Variants in ZNF570 observed in about 807,000 individuals in gnomAD.
ZNF570 encodes the protein zinc finger protein 570.
Under a neutral mutation model 14.2 loss-of-function variants are expected in ZNF570, and 8 were observed. The ratio of observed to expected loss-of-function variants is 0.56; its 90% CI spans 0.33 to 1.02. ZNF570 has a LOEUF of 1.02. Ranked by LOEUF, ZNF570 falls within the 50% of genes least tolerant of loss-of-function variation. The pLI is 0.03. For missense variants in ZNF570, 559 were observed against 624.9 expected, an observed-to-expected ratio of 0.89 and a Z score of 1.12; for synonymous variants, 202 against 207.6, an observed-to-expected ratio of 0.97 and a Z score of 0.23.
chr19:37,473,205 G>A (rs990520827), intron 2 of ZNF570, among the ~76,000 whole-genome samples: 1 of 152,218 alleles, frequency 6.6e-6, no homozygotes, highest in Non-Finnish European at 1.5e-5. Context: ...AATGTATCAT[G>A]CAGCATTTCC....
At position 37,484,920 on chromosome 19, in the gene ZNF570, A is replaced by C. The variant is rs755702229; in HGVS notation, c.1298A>C (p.Gln433Pro). 6.8e-6 allele frequency: 11 copies of C among 1,614,050 alleles called. No individual in the cohort carries two copies. The highest frequency in any genetic ancestry group is 9.3e-6 in the Non-Finnish European group (11 of 1,180,038). Residue 433 changes from glutamine to proline, a missense_variant, in exon 5 of 5, where the codon CAA (glutamine) becomes CCA (proline). Coordinates refer to ENST00000330173, the MANE Select transcript of ZNF570 (RefSeq NM_144694.5). ...FSQIAYLAQH[Q>P]RVHTGEKPYE... Reference sequence around the variant, plus strand: ...CAGATTGCCTACCTTGCTCAGCATCAAAGAGTTCATACTGGAGAGAAACCC... The same window carrying C: ...CAGATTGCCTACCTTGCTCAGCATCCAAGAGTTCATACTGGAGAGAAACCC...
intron 4 of ZNF570, among the ~76,000 whole-genome samples, chr19:37,479,819 T>C (rs1220840906): frequency 1.3e-5 from 2 of 152,214 alleles, no homozygotes; most frequent in Non-Finnish European, 2.9e-5. Flanking sequence ...CTTTTGTTAA[T>C]ATTTACTTGA....
intron 2 of ZNF570, among the ~76,000 whole-genome samples, chr19:37,473,554 T>A (rs1404591205): frequency 6.6e-6 from 1 of 152,092 alleles, no homozygotes; most frequent in Non-Finnish European, 1.5e-5. Context: ...TGGGGTATCA[T>A]AGGGCAACAG....
chr19:37,487,487 A>G lies in ZNF570; in HGVS notation c.*2254A>G, dbSNP rs1359336354. On this transcript the variant is annotated 3_prime_UTR_variant, in exon 5 of 5. Coordinates refer to ENST00000330173, the MANE Select transcript of ZNF570 (RefSeq NM_144694.5). ...TGACAGTGAGCAATACAAAGGCCAC[A>G]TTCTCATGGAGTAAAATTCCAGAGG... 6.6e-6 allele frequency: 1 copy of G among 152,210 alleles called. No individual in the cohort carries two copies. The highest frequency in any genetic ancestry group is 1.5e-5 in the Non-Finnish European group (1 of 68,040). The allele number at this position is 152,210 out of a possible 1,614,324, so 9.4% of individuals were successfully genotyped here.
rs2042157619 is a variant in ZNF570, at chr19:37,486,580, TC to T, written c.*1348del. ...CTACATATATTAACTCATCTACTCC[TC>T]ACAAAACAAGATTCCTTATTGGACA... On this transcript the variant is annotated 3_prime_UTR_variant, in exon 5 of 5. Transcript: ENST00000330173. The T allele has an allele frequency of 6.6e-6, 1 of 152,190 alleles. No individual in the cohort carries two copies. The highest frequency in any genetic ancestry group is 2.4e-5 in the African/African-American group (1 of 41,446). 9.4% of individuals were successfully genotyped at this position (152,190 alleles called of 1,614,324 possible). A position where few individuals can be genotyped will look rare whatever the true frequency, so the allele number is the denominator to read the frequency against.
intron 4 of ZNF570, 38 bp from the exon 5 acceptor site, chr19:37,483,841 C>A: frequency 6.5e-7 from 1 of 1,541,594 alleles, no homozygotes; most frequent in South Asian, 1.3e-5. Flanking sequence ...TTCTGATACT[C>A]AATAGAGGAG....
Position 37,484,609 on chromosome 19 carries a change from C to G in ZNF570, c.987C>G (p.Pro329=). 6.2e-7 allele frequency: 1 copy of G among 1,613,812 alleles called. No homozygotes were observed. Among genetic ancestry groups the G allele is most frequent in the Non-Finnish European group, 8.5e-7 (1 of 1,179,894 alleles). ...QHQRVHTGEK[P]YECIECGKAF... is the part of the protein sequence containing the mutation. ...AGAGAGTTCACACGGGAGAGAAACC[C>G]TATGAATGTATCGAATGTGGGAAAG... Residue 329 remains proline (P), a synonymous_variant, in exon 5 of 5, where the codon CCC becomes CCG. Transcript: ENST00000330173.
At chr19:37,480,960 C>A (rs981770963) in intron 4 of ZNF570, among the ~76,000 whole-genome samples, 25 of 151,118 alleles carry the variant, frequency 1.7e-4, no homozygotes, top group African/African-American at 2.7e-4. Flanking sequence ...AAAAAAAAAA[C>A]AAAACAAAAA....
Position 37,485,451 on chromosome 19 carries a change from A to G in ZNF570, c.*218A>G. On this transcript the variant is annotated 3_prime_UTR_variant, in exon 5 of 5. Transcript: ENST00000330173. ...GAGACAATGTCTTGCTGTGTTGCCCAGGCTGGAGTACAGTGGGACGATCTC... is the reference window on the plus strand; with the variant it reads ...GAGACAATGTCTTGCTGTGTTGCCCGGGCTGGAGTACAGTGGGACGATCTC... The G allele has an allele frequency of 2.2e-6, 1 of 462,094 alleles. No individual in the cohort carries two copies. Among genetic ancestry groups the G allele is most frequent in the Non-Finnish European group, 3.7e-6 (1 of 271,358 alleles). The allele number at this position is 462,094 out of a possible 1,614,324, so 28.6% of individuals were successfully genotyped here.
chr19:37,468,946 G>T, upstream of ZNF570: 1 of 691,944 alleles, frequency 1.4e-6, no homozygotes, highest in Non-Finnish European at 1.8e-6. Context: ...CCCATTTTGA[G>T]TAGACGCGCC....
At chr19:37,474,457 C>A (rs745523716) in intron 2 of ZNF570, among the ~76,000 whole-genome samples, 1 of 151,986 alleles carries the variant, frequency 6.6e-6, no homozygotes, top group Non-Finnish European at 1.5e-5. Flanking sequence ...GAGATAGTTT[C>A]TTTTGTTTTG....
At chr19:37,469,229 T>C (rs2041909164), upstream of ZNF570, 2 of 1,357,028 alleles carry the variant, frequency 1.5e-6, no homozygotes, top group African/African-American at 1.5e-5. Flanking sequence ...TGCGCGGAGC[T>C]GCACCGCTGC....
At chr19:37,478,523 T>A (rs879907386) in intron 4 of ZNF570, among the ~76,000 whole-genome samples, 3,241 of 150,436 alleles carry the variant, frequency 0.022, 86 homozygotes, top group Non-Finnish European at 0.032. Flanking sequence ...CATTTTCAAT[T>A]CTTATACCTT....
chr19:37,479,794 T>C (rs1213396335), intron 4 of ZNF570, among the ~76,000 whole-genome samples: 1 of 152,198 alleles, frequency 6.6e-6, no homozygotes, highest in Non-Finnish European at 1.5e-5. Flanking sequence ...TTAATATTGT[T>C]ATAGCTATAT....
In ZNF570 at chr19:37,470,365, G is replaced by C; in HGVS notation, c.11G>C (p.Gly4Ala). 1.2e-6 allele frequency: 2 copies of C among 1,613,978 alleles called. No individual in the cohort carries two copies. Among genetic ancestry groups the C allele is most frequent in the Non-Finnish European group, 1.7e-6 (2 of 1,179,932 alleles). Residue 4 changes from glycine to alanine, a missense_variant, in exon 2 of 5, where the codon GGG (glycine) becomes GCG (alanine). By Grantham distance (60) the Gly-to-Ala change is moderately conservative (BLOSUM62 0). Coordinates refer to ENST00000330173, the MANE Select transcript of ZNF570 (RefSeq NM_144694.5). The stretch of plus-strand genomic sequence containing the variant: ...CAGGAGGAAGAAAGAATGGCTGTTG[G>C]GCTTCTTAAAGCCATGTACCAGGTG... Reference protein sequence around the residue: MAVGLLKAMYQELV... With the variant: MAVALLKAMYQELV...
At chr19:37,476,220 A>G in intron 3 of ZNF570, 119 bp from the exon 4 acceptor site, 1 of 1,326,686 alleles carries the variant, frequency 7.5e-7, no homozygotes, top group Non-Finnish European at 1.0e-6. Context: ...CATGTCCTTT[A>G]CACATTTCTC....
At chr19:37,482,823 C>T (rs112097910) in intron 4 of ZNF570, among the ~76,000 whole-genome samples, 268 of 151,430 alleles carry the variant, frequency 1.8e-3, no homozygotes, top group Non-Finnish European at 3.1e-3. Context: ...CTTTCTCTCT[C>T]TCTCTCTCTC....
rs868577800 is a variant in ZNF570 at position 37,470,477 on chromosome 19, G to A, written c.33+90G>A. On this transcript the variant is annotated intron_variant, in intron 2 of 4. Transcript: ENST00000330173. ...TTTCCTTCTGCTGAAACGTTTCTGG[G>A]TAACCAGTCATGTCCCTTATCAACA... 145 of 1,228,020 alleles carry A rather than the reference G, an allele frequency of 1.2e-4. 3 individuals are homozygous for A. In the South Asian group the frequency reaches 1.7e-3, roughly 14 times the overall value. The allele number at this position is 1,228,020 out of a possible 1,614,324, so 76.1% of individuals were successfully genotyped here.
In ZNF570 at chr19:37,485,197, G is replaced by A; in HGVS notation, c.1575G>A (p.Leu525=). 3 of 1,575,520 alleles carry A rather than the reference G, an allele frequency of 1.9e-6. No individual in the cohort carries two copies. The highest frequency in any genetic ancestry group is 2.6e-6 in the Non-Finnish European group (3 of 1,161,556). The change falls in exon 5 of 5, where the codon CTG becomes CTA. Residue 525 remains leucine, a synonymous_variant. Coordinates refer to ENST00000330173, the MANE Select transcript of ZNF570 (RefSeq NM_144694.5). Reference sequence around the variant, plus strand: ...AGAGAATTCACATTGGGGAGTCACTGTCACCACCCAACCCAGTCAATCACC... The same window carrying A: ...AGAGAATTCACATTGGGGAGTCACTATCACCACCCAACCCAGTCAATCACC... ...HHQRIHIGES[L]SPPNPVNHQV... is the part of the protein sequence containing the mutation.
Sources: allele counts gnomAD v4.1 joint callset (sites outside exome capture counted in the v4.1 genomes callset), GRCh38; gene constraint gnomAD v4.1.1; transcripts MANE v1.5; gene names NCBI Gene and HGNC (gene_info 2026-07-23, HGNC 2026-07-21).